The following EVC2 variants were observed in gnomAD, a reference collection of about 807,000 sequenced individuals.
The protein encoded by EVC2 is limbin.
A neutral mutation model predicts 149.3 loss-of-function variants in EVC2; 148 were observed. That is an observed-to-expected ratio of 0.99 (90% CI 0.87 to 1.14). EVC2 has a LOEUF of 1.14. Among genes scored for constraint, EVC2 ranks in the 50% most tolerant of loss-of-function variants. EVC2 has a pLI of 0.00. For synonymous variants in EVC2, 776 were observed against 649.9 expected (o/e 1.19, Z -2.95); for missense variants, 1,854 against 1,627.3 (o/e 1.14, Z -2.40).
intron 9 of EVC2, among the ~76,000 whole-genome samples, chr4:5,647,041 A>G (rs1717773866): frequency 6.6e-6 from 1 of 152,188 alleles, no homozygotes; most frequent in Non-Finnish European, 1.5e-5. Flanking sequence ...GAAATATTTT[A>G]AGCCAGAAAG....
rs1173097798 is a variant in EVC2, at chr4:5,625,325, C to T, written c.2046+424G>A. Among the ~76,000 whole-genome samples, 1 of 151,720 alleles carries T rather than the reference C, an allele frequency of 6.6e-6. No individual in the cohort carries two copies. Among genetic ancestry groups the T allele is most frequent in the Non-Finnish European group, 1.5e-5 (1 of 67,948 alleles). The stretch of plus-strand genomic sequence containing the variant: ...TTGACCATACACACACACACACACA[C>T]ACACACACACACACACACACACAAA... On this transcript the variant is annotated intron_variant, in intron 13 of 21. Transcript: ENST00000344408. The surrounding 1 kb of genome is among the most constrained non-coding windows in gnomAD (Gnocchi z 4.0).
rs1200649667 is a variant in EVC2, at chr4:5,618,744, G to C, written c.2502-62C>G. 9 of 1,468,324 alleles carry C rather than the reference G, an allele frequency of 6.1e-6. No homozygotes were observed. The highest frequency in any genetic ancestry group is 8.4e-6 in the Non-Finnish European group (9 of 1,071,854). The allele number at this position is 1,468,324 out of a possible 1,614,324, so 91.0% of individuals were successfully genotyped here. ...GAAAGCCTGGGGGCTGGGCTGGGGT[G>C]AAGAAGCCAGAGATGCAAAGCTCAT... On this transcript the variant is annotated intron_variant, in intron 14 of 21. Transcript: ENST00000344408. The surrounding 1 kb of genome is among the most constrained non-coding windows in gnomAD (Gnocchi z 4.4).
At chr4:5,589,758 G>A (rs544368669) in intron 16 of EVC2, among the ~76,000 whole-genome samples, 1 of 152,276 alleles carries the variant, frequency 6.6e-6, no homozygotes, top group African/African-American at 2.4e-5. Flanking sequence ...TAGGTAAGGA[G>A]TAATTCTGAT....
In EVC2 at chr4:5,591,547, G is replaced by A. The variant is rs77056095; in HGVS notation, c.2830-6697C>T. 7.4e-3 allele frequency among the ~76,000 whole-genome samples: 1,128 copies of A among 152,218 alleles called. 11 individuals carry two copies. Among genetic ancestry groups the A allele is most frequent in the African/African-American group, 0.025 (1,055 of 41,530 alleles). On this transcript the variant is annotated intron_variant, in intron 16 of 21. Coordinates refer to ENST00000344408, the MANE Select transcript of EVC2 (RefSeq NM_147127.5). ...GAGCAGAGGGCAGAATGAGAAGGCCGTAAGGAAAAGCTAAAGATTTATTTA... is the reference window on the plus strand; with the variant it reads ...GAGCAGAGGGCAGAATGAGAAGGCCATAAGGAAAAGCTAAAGATTTATTTA...
At chr4:5,708,042 C>T in intron 1 of EVC2, 1 of 407,220 alleles carries the variant, frequency 2.5e-6, no homozygotes, top group Non-Finnish European at 4.3e-6. Flanking sequence ...GAGCAGGATT[C>T]GAACCAGGGT....
rs1480322120 is a variant in EVC2 at position 5,640,115 on chromosome 4, G to C, written c.1470+399C>G. ...GAGTGGATGGGTAGAAGGCTAGATGGGGAATAAGTGGATGGGTAAATTGTT... is the reference window on the plus strand; with the variant it reads ...GAGTGGATGGGTAGAAGGCTAGATGCGGAATAAGTGGATGGGTAAATTGTT... On this transcript the variant is annotated intron_variant, in intron 10 of 21. Coordinates refer to ENST00000344408, the MANE Select transcript of EVC2 (RefSeq NM_147127.5). The surrounding 1 kb of genome is among the most constrained non-coding windows in gnomAD (Gnocchi z 4.6). Among the ~76,000 whole-genome samples the C allele has an allele frequency of 6.6e-6, 1 of 152,044 alleles. No homozygotes were observed. The highest frequency in any genetic ancestry group is 1.5e-5 in the Non-Finnish European group (1 of 68,016).
In EVC2 at chr4:5,625,349, A is replaced by ACACACACACAC; in HGVS notation, c.2046+399_2046+400insGTGTGTGTGTG. Among the ~76,000 whole-genome samples, 1 of 133,780 alleles carries ACACACACACAC rather than the reference A, an allele frequency of 7.5e-6. No individual in the cohort carries two copies. The highest frequency in any genetic ancestry group is 1.6e-5 in the Non-Finnish European group (1 of 61,262). 87.8% of individuals were successfully genotyped at this position (133,780 alleles called of 152,430 possible). Reference sequence around the variant, plus strand: ...ACACACACACACACACACACACACAAACCCAGTGGTATCTCCCTCATAGGG... The same window carrying ACACACACACAC: ...ACACACACACACACACACACACACAACACACACACACACCCAGTGGTATCTCCCTCATAGGG... On this transcript the variant is annotated intron_variant, in intron 13 of 21. Coordinates refer to ENST00000344408, the MANE Select transcript of EVC2 (RefSeq NM_147127.5). The surrounding 1 kb of genome is among the most constrained non-coding windows in gnomAD (Gnocchi z 4.0).
At chr4:5,547,713 G>A (rs187011100) in intron 21 of EVC2, among the ~76,000 whole-genome samples, 12 of 152,288 alleles carry the variant, frequency 7.9e-5, no homozygotes, top group Admixed American at 2.6e-4. Flanking sequence ...ACTTGTCTGC[G>A]TGCTTCATTC....
At chr4:5,529,842 G>T in the EVC2 span, among the ~76,000 whole-genome samples, 2 of 144,240 alleles carry the variant, frequency 1.4e-5, no homozygotes, top group Non-Finnish European at 3.0e-5. This position sits in a 1 kb window ranked among gnomAD's most constrained non-coding sequence, Gnocchi z 4.5. Context: ...TTTTGACGGA[G>T]TCTCACTATT....
chr4:5,605,473 T>A (rs1431521493), intron 16 of EVC2, among the ~76,000 whole-genome samples: 1 of 152,092 alleles, frequency 6.6e-6, no homozygotes, highest in Non-Finnish European at 1.5e-5. Context: ...GATAGACAGA[T>A]GACAGATAGA....
At chr4:5,623,043 T>C (rs762951043) in intron 13 of EVC2, 52 bp from the exon 14 acceptor site, 2 of 1,558,482 alleles carry the variant, frequency 1.3e-6, no homozygotes, top group African/African-American at 2.7e-5. Context: ...GCGGGTACAG[T>C]CCTTTGGCTG....
At chr4:5,555,030 G>C (rs1721808801) in intron 21 of EVC2, among the ~76,000 whole-genome samples, 1 of 149,966 alleles carries the variant, frequency 6.7e-6, no homozygotes, top group African/African-American at 2.5e-5. Context: ...GTGTGTGTGT[G>C]TGTGTGTGTG....
chr4:5,634,288 G>C (rs1357904794), intron 10 of EVC2, among the ~76,000 whole-genome samples: 4 of 152,148 alleles, frequency 2.6e-5, no homozygotes, highest in East Asian at 3.9e-4. Flanking sequence ...TAAATCAAAG[G>C]ATGCAATTCA....
At chr4:5,547,485 G>T (rs1560116412) in intron 21 of EVC2, among the ~76,000 whole-genome samples, 1 of 152,218 alleles carries the variant, frequency 6.6e-6, no homozygotes, top group African/African-American at 2.4e-5. Flanking sequence ...CCACGGACCA[G>T]AGTGGGAACT....
At position 5,567,981 on chromosome 4, in the gene EVC2, A is replaced by C. The variant is rs1179671202; in HGVS notation, c.3557+463T>G. 6.6e-6 allele frequency among the ~76,000 whole-genome samples: 1 copy of C among 152,232 alleles called. No homozygotes were observed. The highest frequency in any genetic ancestry group is 1.5e-5 in the Non-Finnish European group (1 of 68,046). On this transcript the variant is annotated intron_variant, in intron 20 of 21. Coordinates refer to ENST00000344408, the MANE Select transcript of EVC2 (RefSeq NM_147127.5). The surrounding 1 kb of genome is among the most constrained non-coding windows in gnomAD (Gnocchi z 4.4). ...TCTGCTGTAAGATTCTGAAATGCAG[A>C]ATGTAGCAAGGCTGTATCCACAGCG... is the stretch of plus-strand genomic sequence containing the variant.
chr4:5,562,693 C>A lies in EVC2; in HGVS notation c.*155G>T, dbSNP rs532326469. 1 of 1,507,404 alleles carries A rather than the reference C, an allele frequency of 6.6e-7. No homozygotes were observed. Among genetic ancestry groups the A allele is most frequent in the Admixed American group, 2.2e-5 (1 of 46,286 alleles). 93.4% of individuals were successfully genotyped at this position (1,507,404 alleles called of 1,614,324 possible). Reference sequence around the variant, plus strand: ...GGAAATTCATGAGACAAGATTAAACCGAGTCCCTGCAAGTTGGCATGCGCT... The same window carrying A: ...GGAAATTCATGAGACAAGATTAAACAGAGTCCCTGCAAGTTGGCATGCGCT... On this transcript the variant is annotated 3_prime_UTR_variant, in exon 22 of 22. Coordinates refer to ENST00000344408, the MANE Select transcript of EVC2 (RefSeq NM_147127.5). The surrounding 1 kb of genome is among the most constrained non-coding windows in gnomAD (Gnocchi z 4.3).
rs78601416 is a variant in EVC2, at chr4:5,665,906, G to C, written c.871-257C>G. ...TTGCACACAATAGCACCATCCAGCC[G>C]CACGCCTAGCACATCACAGACACTC... On this transcript the variant is annotated intron_variant, in intron 7 of 21. Transcript: ENST00000344408. Among the ~76,000 whole-genome samples the C allele has an allele frequency of 1.3e-5, 2 of 152,162 alleles. 1 individual carries two copies. The highest frequency in any genetic ancestry group is 4.2e-4 in the South Asian group (2 of 4,816).
intron 15 of EVC2, 28 bp from the exon 16 acceptor site, chr4:5,615,572 T>C: frequency 6.2e-7 from 1 of 1,614,014 alleles, no homozygotes; most frequent in Non-Finnish European, 8.5e-7. Context: ...AAGACGTGGG[T>C]AAGAAGGCAA....
Position 5,562,809 on chromosome 4 carries a change from C to T in EVC2, c.*39G>A. The T allele has an allele frequency of 6.2e-7, 1 of 1,611,734 alleles. No homozygotes were observed. Among genetic ancestry groups the T allele is most frequent in the African/African-American group, 1.3e-5 (1 of 75,014 alleles). On this transcript the variant is annotated 3_prime_UTR_variant, in exon 22 of 22. Coordinates refer to ENST00000344408, the MANE Select transcript of EVC2 (RefSeq NM_147127.5). This position sits in a 1 kb window ranked among gnomAD's most constrained non-coding sequence, Gnocchi z 4.3. ...ACCGGCGGGCAGGAGAAAATCATCC[C>T]TTCTCTCTTCAGATGCTCCCGCAGG...
Sources: gnomAD v4.1 joint callset for allele counts (sites outside exome capture counted in the v4.1 genomes callset) on GRCh38, gnomAD v4.1.1 for gene constraint, Gnocchi (gnomAD v3.1) non-coding constraint, MANE v1.5 for transcripts, NCBI Gene and HGNC (gene_info 2026-07-23, HGNC 2026-07-21) for gene names.